ATP9B: variants seen among roughly 807,000 people sequenced by gnomAD.
ATP9B encodes ATPase phospholipid transporting 9B.
ATP9B carries 110 observed loss-of-function variants against 146.1 expected under a neutral mutation model. The observed-to-expected ratio is 0.75, with a 90% confidence interval of 0.65 to 0.88. ATP9B has a LOEUF of 0.88. ATP9B is among the 40% of genes least tolerant of loss of function. The pLI is 0.00. For missense variants in ATP9B, 1,499 were observed against 1,496.4 expected (o/e 1.00, Z -0.03); for synonymous variants, 604 against 569.7 (o/e 1.06, Z -0.86).
chr18:79,321,994 T>C (rs574926531), intron 15 of ATP9B, among the ~76,000 whole-genome samples: 94 of 152,316 alleles, frequency 6.2e-4, no homozygotes, highest in African/African-American at 2.2e-3. Flanking sequence ...AGAAGTTTTA[T>C]TGGAGGAAGC....
At chr18:79,101,508 ATG>A (rs1340611617) in intron 2 of ATP9B, among the ~76,000 whole-genome samples, 1 of 152,132 alleles carries the variant, frequency 6.6e-6, no homozygotes, top group Non-Finnish European at 1.5e-5. Flanking sequence ...GTGTGTGTGG[ATG>A]TGTGTGGACA....
chr18:79,334,499 T>C (rs2096809914), intron 17 of ATP9B, among the ~76,000 whole-genome samples: 2 of 151,974 alleles, frequency 1.3e-5, no homozygotes, highest in Non-Finnish European at 2.9e-5. Context: ...ACCCAGCACT[T>C]AGTAATCAAT....
At chr18:79,267,549 GTAT>G (rs1285157509) in intron 12 of ATP9B, among the ~76,000 whole-genome samples, 2 of 151,958 alleles carry the variant, frequency 1.3e-5, no homozygotes, top group South Asian at 2.1e-4. Context: ...TTCATATGTA[GTAT>G]TTTTGTTATT....
At chr18:79,361,963 G>C in intron 26 of ATP9B, 1 of 238,654 alleles carries the variant, frequency 4.2e-6, no homozygotes, top group Non-Finnish European at 6.8e-6. Context: ...GTGGCATAGA[G>C]CAACAGCATA....
At chr18:79,142,383 C>A (rs2094524450) in intron 5 of ATP9B, among the ~76,000 whole-genome samples, 1 of 152,066 alleles carries the variant, frequency 6.6e-6, no homozygotes, top group African/African-American at 2.4e-5. Flanking sequence ...TGTGTTATGA[C>A]TGTAGTGTTT....
chr18:79,203,362 A>G (rs1056411106), intron 9 of ATP9B, among the ~76,000 whole-genome samples: 1 of 152,054 alleles, frequency 6.6e-6, no homozygotes, highest in African/African-American at 2.4e-5. Flanking sequence ...TACTTCGTAG[A>G]GGTAGGAGGC....
chr18:79,069,877 G>A (rs1382449390), intron 1 of ATP9B, among the ~76,000 whole-genome samples: 1 of 152,242 alleles, frequency 6.6e-6, no homozygotes, highest in Non-Finnish European at 1.5e-5. Context: ...CAGAGTCTCC[G>A]AAACTTGTTC....
chr18:79,131,731 G>T (rs1478848254), intron 5 of ATP9B, among the ~76,000 whole-genome samples: 3 of 152,206 alleles, frequency 2.0e-5, no homozygotes, highest in African/African-American at 4.8e-5. Flanking sequence ...AAGATGAGTG[G>T]ATAAACGAAT....
chr18:79,084,465 A>C (rs2073611763), intron 1 of ATP9B, among the ~76,000 whole-genome samples: 1 of 152,148 alleles, frequency 6.6e-6, no homozygotes, highest in African/African-American at 2.4e-5. Context: ...AGAACATGAC[A>C]ATTTTGCTAT....
intron 8 of ATP9B, among the ~76,000 whole-genome samples, chr18:79,188,540 C>G (rs2095330613): frequency 1.3e-5 from 2 of 152,140 alleles, no homozygotes; most frequent in Admixed American, 1.3e-4. Flanking sequence ...GTTTGTCTTA[C>G]CTTACATGGA....
chr18:79,214,220 C>T (rs777597370), intron 11 of ATP9B, among the ~76,000 whole-genome samples, 182 bp downstream of exon 11: 10 of 152,090 alleles, frequency 6.6e-5, no homozygotes, highest in South Asian at 2.1e-4. Context: ...CTCATACTGG[C>T]GAATTTCCAA....
At chr18:79,229,815 G>C (rs2095772590) in intron 11 of ATP9B, among the ~76,000 whole-genome samples, 1 of 152,138 alleles carries the variant, frequency 6.6e-6, no homozygotes, top group Admixed American at 6.5e-5. Flanking sequence ...ATGCTAATAA[G>C]CTGAAACAAA....
At chr18:79,114,373 G>T (rs1251077638) in intron 4 of ATP9B, among the ~76,000 whole-genome samples, 1 of 152,112 alleles carries the variant, frequency 6.6e-6, no homozygotes, top group Non-Finnish European at 1.5e-5. Flanking sequence ...CAGTCCTCGG[G>T]GTTCCACATG....
Position 79,294,630 on chromosome 18 carries a change from A to G in ATP9B, c.1412-8974A>G, listed in dbSNP as rs973943036. On this transcript the variant is annotated intron_variant, in intron 13 of 29. Transcript: ENST00000426216. ...TCCTGGATCCATACTTCAGACAAGC[A>G]GTGTAAAAAACTATGACACACGAGA... 2.6e-5 allele frequency among the ~76,000 whole-genome samples: 4 copies of G among 152,374 alleles called. No homozygotes were observed. In the East Asian group the frequency reaches 7.7e-4, roughly 29 times the overall value.
In ATP9B at chr18:79,345,093, A is replaced by G. The variant is rs116729607; in HGVS notation, c.2473-335A>G. Among the ~76,000 whole-genome samples, 1,151 of 152,264 alleles carry G rather than the reference A, an allele frequency of 7.6e-3. 17 individuals carry two copies. Among genetic ancestry groups the G allele is most frequent in the African/African-American group, 0.027 (1,105 of 41,550 alleles). On this transcript the variant is annotated intron_variant, in intron 21 of 29. Transcript: ENST00000426216. ...TCACCGGGTCACATGATGTTTTTCAAGAAAGTCACTAAGGCAGCTTGGATT... is the reference window on the plus strand; with the variant it reads ...TCACCGGGTCACATGATGTTTTTCAGGAAAGTCACTAAGGCAGCTTGGATT...
At chr18:79,273,987 C>T (rs1034170813) in intron 12 of ATP9B, among the ~76,000 whole-genome samples, 2 of 152,094 alleles carry the variant, frequency 1.3e-5, no homozygotes, top group African/African-American at 4.8e-5. Context: ...TCATGACTGC[C>T]TTTTGTTTCA....
At chr18:79,118,459 GGC>G (rs2094132164) in intron 4 of ATP9B, among the ~76,000 whole-genome samples, 1 of 134,786 alleles carries the variant, frequency 7.4e-6, no homozygotes, top group South Asian at 2.5e-4. Context: ...GGAGTGCAGT[GGC>G]GCGATCTCGG....
At chr18:79,197,346 TTATA>T (rs903177083) in intron 9 of ATP9B, among the ~76,000 whole-genome samples, 1 of 151,500 alleles carries the variant, frequency 6.6e-6, no homozygotes, top group South Asian at 2.1e-4. Context: ...TTTATAATCT[TTATA>T]TATATATAGC....
At chr18:79,281,705 T>G (rs2096378645) in intron 13 of ATP9B, among the ~76,000 whole-genome samples, 1 of 152,152 alleles carries the variant, frequency 6.6e-6, no homozygotes, top group Non-Finnish European at 1.5e-5. Flanking sequence ...TTAGCAATCC[T>G]AAAACCATTA....
Sources: allele counts gnomAD v4.1 joint callset (sites outside exome capture counted in the v4.1 genomes callset), GRCh38; gene constraint gnomAD v4.1.1; transcripts MANE v1.5; gene names NCBI Gene and HGNC (gene_info 2026-07-23, HGNC 2026-07-21).